MARCHF1: variants seen among roughly 807,000 people sequenced by gnomAD.
The protein encoded by MARCHF1 is membrane associated ring-CH-type finger 1, also known as E3 ubiquitin-protein ligase MARCHF1.
Under a neutral mutation model 54.2 loss-of-function variants are expected in MARCHF1, and 40 were observed. The observed-to-expected ratio is 0.74, with a 90% CI of 0.57 to 0.96. The LOEUF is 0.96. MARCHF1 is among the 40% of genes least tolerant of loss of function. The pLI is 0.00. For synonymous variants in MARCHF1, 236 were observed against 236.3 expected (o/e 1.00, Z 0.01); for missense variants, 586 against 656.5 (o/e 0.89, Z 1.17).
intron 3 of MARCHF1, among the ~76,000 whole-genome samples, chr4:163,918,644 A>G (rs1484535650): frequency 1.3e-5 from 2 of 152,120 alleles, no homozygotes; most frequent in Admixed American, 6.6e-5. Context: ...AATGTGTGTA[A>G]TGTTTTCTTC....
At chr4:164,352,351 C>A in intron 1 of MARCHF1, among the ~76,000 whole-genome samples, 2 of 122,172 alleles carry the variant, frequency 1.6e-5, no homozygotes, top group African/African-American at 2.8e-5. Flanking sequence ...ATGTTAAGGG[C>A]AGCCAGAGAG....
intron 2 of MARCHF1, among the ~76,000 whole-genome samples, chr4:164,075,041 G>A (rs563679101): frequency 1.4e-4 from 21 of 152,178 alleles, no homozygotes; most frequent in African/African-American, 5.1e-4. Flanking sequence ...TGCCTTAAAT[G>A]ATAAAATAGA....
At chr4:164,027,942 C>CA (rs952778557) in intron 2 of MARCHF1, among the ~76,000 whole-genome samples, 5 of 151,888 alleles carry the variant, frequency 3.3e-5, no homozygotes, top group Non-Finnish European at 5.9e-5. Context: ...AAACACTTCT[C>CA]AAAAAAAGAC....
chr4:163,883,284 A>C (rs1178980748), intron 3 of MARCHF1, among the ~76,000 whole-genome samples: 1 of 127,146 alleles, frequency 7.9e-6, no homozygotes, highest in Non-Finnish European at 1.7e-5. Flanking sequence ...AGAGAGAGAG[A>C]GATTACATTT....
chr4:163,994,851 A>T (rs1560853240), intron 2 of MARCHF1, among the ~76,000 whole-genome samples: 1 of 151,506 alleles, frequency 6.6e-6, no homozygotes, highest in Non-Finnish European at 1.5e-5. Flanking sequence ...AGATACATGT[A>T]TCTGCTCAAA....
chr4:163,942,924 CCT>C lies in MARCHF1; in HGVS notation c.-39+45575_-39+45576del, dbSNP rs1478220119. Among the ~76,000 whole-genome samples, 4 of 151,498 alleles carry C rather than the reference CCT, an allele frequency of 2.6e-5. No homozygotes were observed. The East Asian group carries it at 5.8e-4, about 22-fold the overall frequency. On this transcript the variant is annotated intron_variant, in intron 3 of 9. Transcript: ENST00000514618. ...TGAAACTGTACTTATTTGAAGAAAA[CCT>C]CTCTTCCAAAAAAAAAAAAGAACAA...
chr4:163,737,942 C>A lies in MARCHF1; in HGVS notation c.112-37079G>T, dbSNP rs571439837. 3.3e-5 allele frequency among the ~76,000 whole-genome samples: 5 copies of A among 150,074 alleles called. 1 individual carries two copies. Among genetic ancestry groups the A allele is most frequent in the Non-Finnish European group, 6.0e-5 (4 of 67,094 alleles). Reference sequence around the variant, plus strand: ...CCAAAGGACTATAAATCATGCTGCTCTAAAGACACATGCACACGTATGTTT... The same window carrying A: ...CCAAAGGACTATAAATCATGCTGCTATAAAGACACATGCACACGTATGTTT... On this transcript the variant is annotated intron_variant, in intron 4 of 9. Transcript: ENST00000514618.
intron 3 of MARCHF1, among the ~76,000 whole-genome samples, chr4:163,984,342 ATCTT>A (rs1560848201): frequency 6.6e-6 from 1 of 152,342 alleles, no homozygotes; most frequent in East Asian, 1.9e-4. Flanking sequence ...TTCCTCCTAA[ATCTT>A]TCTAAAGCAT....
chr4:163,698,691 ACATGATAAACGG>A, intron 5 of MARCHF1, among the ~76,000 whole-genome samples: 1 of 152,212 alleles, frequency 6.6e-6, no homozygotes, highest in East Asian at 1.9e-4. Flanking sequence ...AAATACTAAA[ACATGATAAACGG>A]GCTGGATTAA....
chr4:164,156,308 G>C (rs1730075840), intron 1 of MARCHF1, among the ~76,000 whole-genome samples: 2 of 152,168 alleles, frequency 1.3e-5, no homozygotes, highest in South Asian at 4.1e-4. Context: ...CTAGTATATA[G>C]TCCCAAACTA....
chr4:163,863,877 TG>T (rs940299585), intron 3 of MARCHF1, among the ~76,000 whole-genome samples: 3 of 151,932 alleles, frequency 2.0e-5, no homozygotes, highest in African/African-American at 7.2e-5. Flanking sequence ...AAACACAATT[TG>T]GGGCATATAT....
chr4:163,739,075 T>C (rs1462004873), intron 4 of MARCHF1, among the ~76,000 whole-genome samples: 1 of 152,242 alleles, frequency 6.6e-6, no homozygotes, highest in Non-Finnish European at 1.5e-5. Context: ...GGAAATCAAA[T>C]ACCTCAATAC....
chr4:163,997,712 A>G (rs1753104776), intron 2 of MARCHF1, among the ~76,000 whole-genome samples: 1 of 151,972 alleles, frequency 6.6e-6, no homozygotes. Flanking sequence ...GTCCATATGA[A>G]TAGACAAGGA....
chr4:164,237,000 C>T (rs1381927952), intron 1 of MARCHF1, among the ~76,000 whole-genome samples: 1 of 152,142 alleles, frequency 6.6e-6, no homozygotes, highest in East Asian at 1.9e-4. Context: ...GACTCTACTC[C>T]ACGTTTATAT....
chr4:163,634,707 G>A (rs930691360), intron 5 of MARCHF1, among the ~76,000 whole-genome samples: 1 of 150,990 alleles, frequency 6.6e-6, no homozygotes, highest in Non-Finnish European at 1.5e-5. Flanking sequence ...AAGTCAACAA[G>A]GATACCCAGG....
intron 8 of MARCHF1, among the ~76,000 whole-genome samples, chr4:163,552,958 G>A (rs1370351245): frequency 4.0e-5 from 6 of 151,732 alleles, no homozygotes; most frequent in African/African-American, 7.3e-5. Context: ...GCTTGAACCC[G>A]GGAGGCGGAG....
chr4:164,142,435 G>A (rs13145754), intron 1 of MARCHF1, among the ~76,000 whole-genome samples: 3 of 152,078 alleles, frequency 2.0e-5, no homozygotes, highest in African/African-American at 7.2e-5. Flanking sequence ...TGACAGCTTT[G>A]AAGAGAGCAG....
chr4:164,184,720 C>T (rs1038175052), intron 1 of MARCHF1, among the ~76,000 whole-genome samples: 18 of 152,264 alleles, frequency 1.2e-4, no homozygotes, highest in African/African-American at 4.3e-4. Flanking sequence ...TTGACCTGAC[C>T]ATTTGAGATA....
rs1388730950 is a variant in MARCHF1 at position 163,929,861 on chromosome 4, T to C, written c.-39+58640A>G. Among the ~76,000 whole-genome samples the C allele has an allele frequency of 2.7e-5, 4 of 145,708 alleles. No individual in the cohort carries two copies. In the East Asian group the frequency reaches 7.9e-4, roughly 29 times the overall value. ...ATGGTAATATAATATATTGTTTAAC[T>C]AAGACACTTTTGTGAAAGAAAGAGG... On this transcript the variant is annotated intron_variant, in intron 3 of 9. Coordinates refer to ENST00000514618, the MANE Select transcript of MARCHF1 (RefSeq NM_001394959.1).
Sources: gnomAD v4.1 joint callset for allele counts (sites outside exome capture counted in the v4.1 genomes callset) on GRCh38, gnomAD v4.1.1 for gene constraint, MANE v1.5 for transcripts, NCBI Gene and HGNC (gene_info 2026-07-23, HGNC 2026-07-21) for gene names.